The following LIFR variants were observed in gnomAD, a reference collection of about 807,000 sequenced individuals.
The protein encoded by LIFR is LIF receptor subunit alpha, also known as leukemia inhibitory factor receptor.
In LIFR, 84 loss-of-function variants were observed where a neutral mutation model predicts 122.2. The observed-to-expected ratio is 0.69, with a 90% confidence interval of 0.58 to 0.82. The LOEUF is 0.82. Among genes scored for constraint, LIFR ranks in the 40% least tolerant of loss-of-function variants. The pLI is 0.00. For synonymous variants in LIFR, 422 were observed against 434.7 expected, an observed-to-expected ratio of 0.97 and a Z score of 0.36; for missense variants, 1,294 against 1,311.6, an observed-to-expected ratio of 0.99 and a Z score of 0.21.
intron 1 of LIFR, among the ~76,000 whole-genome samples, chr5:38,552,048 A>T (rs547604108): frequency 1.2e-4 from 18 of 152,236 alleles, no homozygotes; most frequent in Non-Finnish European, 2.5e-4. Context: ...ATATCAGGAC[A>T]AAAGGACACA....
intron 9 of LIFR, 66 bp downstream of exon 9, chr5:38,505,839 T>C (rs1349176676): frequency 1.9e-6 from 2 of 1,073,678 alleles, no homozygotes; most frequent in Non-Finnish European, 2.7e-6. Context: ...CCTATAAGCA[T>C]TTTTCATTAA....
At chr5:38,526,689 A>G (rs2112557282) in intron 4 of LIFR, among the ~76,000 whole-genome samples, 1 of 152,236 alleles carries the variant, frequency 6.6e-6, no homozygotes, top group South Asian at 2.1e-4. Context: ...TCTTATCCCA[A>G]TACTGTTATT....
intron 1 of LIFR, among the ~76,000 whole-genome samples, chr5:38,569,380 TGAGAAGCAGGAGGC>T (rs1749134774): frequency 6.6e-6 from 1 of 151,918 alleles, no homozygotes; most frequent in South Asian, 2.1e-4. Context: ...CAGCAGGAGG[TGAGAAGCAGGAGGC>T]TGCTCAGCAG....
chr5:38,505,983 T>C lies in LIFR; in HGVS notation c.1213A>G (p.Ile405Val), dbSNP rs778962664. The change falls in exon 9 of 20, where the codon ATA becomes GTA. Residue 405 changes from isoleucine to valine, a missense_variant. Coordinates refer to ENST00000453190, the MANE Select transcript of LIFR (RefSeq NM_001127671.2). ...LLFQMLPNQE[I>V]YNFTLNAHNP... is the part of the protein sequence containing the mutation. Reference sequence around the variant, plus strand: ...TGAGCATTCAAAGTAAAATTATATATTTCTTGATTTGGAAGCATTTGAAAT... The same window carrying C: ...TGAGCATTCAAAGTAAAATTATATACTTCTTGATTTGGAAGCATTTGAAAT... 3.0e-5 allele frequency: 49 copies of C among 1,609,584 alleles called. No individual in the cohort carries two copies. The Middle Eastern group carries it at 6.8e-4, about 22-fold the overall frequency.
chr5:38,557,451 T>G (rs561851907), upstream of LIFR: 2 of 154,930 alleles, frequency 1.3e-5, no homozygotes, highest in East Asian at 1.9e-4. Context: ...TTACGCTGTA[T>G]GCCGGACGCG....
Position 38,517,856 on chromosome 5 carries a change from C to CAAAAAA in LIFR, c.561+5557_561+5562dup, listed in dbSNP as rs572954936. On this transcript the variant is annotated intron_variant, in intron 5 of 19. Transcript: ENST00000453190. ...TGTGCAACAGAGCAAGACACTGTCT[C>CAAAAAA]AAAAAAAAAAAAAAAAAAAAAAAAA... 2.5e-3 allele frequency among the ~76,000 whole-genome samples: 37 copies of CAAAAAA among 15,046 alleles called. 3 individuals carry two copies. Among genetic ancestry groups the CAAAAAA allele is most frequent in the African/African-American group, 7.5e-3 (17 of 2,252 alleles). 9.9% of individuals were successfully genotyped at this position (15,046 alleles called of 152,430 possible). A position where few individuals can be genotyped will look rare whatever the true frequency, so the allele number is the denominator to read the frequency against.
chr5:38,482,469 G>T, intron 19 of LIFR, 120 bp downstream of exon 19: 1 of 668,666 alleles, frequency 1.5e-6, no homozygotes, highest in Non-Finnish European at 2.6e-6. Flanking sequence ...ATGTTTTAAA[G>T]TATATAATTT....
intron 1 of LIFR, among the ~76,000 whole-genome samples, chr5:38,573,503 G>A (rs919018868): frequency 6.6e-6 from 1 of 152,198 alleles, no homozygotes; most frequent in Non-Finnish European, 1.5e-5. Context: ...TTCCTAGAAT[G>A]AAAATCTACT....
At chr5:38,497,002 G>C (rs558547257) in intron 12 of LIFR, among the ~76,000 whole-genome samples, 1 of 151,294 alleles carries the variant, frequency 6.6e-6, no homozygotes, top group East Asian at 2.0e-4. Flanking sequence ...CCAGTTACAA[G>C]GTAGTATCAG....
At chr5:38,565,673 C>T (rs1030452612) in intron 1 of LIFR, among the ~76,000 whole-genome samples, 3 of 151,818 alleles carry the variant, frequency 2.0e-5, no homozygotes, top group African/African-American at 7.3e-5. Flanking sequence ...CTGCAGCCCC[C>T]ACCTCCCGGG....
At chr5:38,527,082 A>C (rs1746727152) in intron 4 of LIFR, 73 bp downstream of exon 4, 3 of 1,368,866 alleles carry the variant, frequency 2.2e-6, no homozygotes, top group South Asian at 2.7e-5. Flanking sequence ...AATTCAAAAA[A>C]CTAGAAAGCA....
chr5:38,486,980 T>C (rs1034768631), intron 16 of LIFR, among the ~76,000 whole-genome samples: 14 of 152,216 alleles, frequency 9.2e-5, no homozygotes, highest in African/African-American at 3.1e-4. Flanking sequence ...CCTCATTTGC[T>C]TGATTTTCTA....
chr5:38,491,492 G>A (rs1744590031), intron 14 of LIFR, among the ~76,000 whole-genome samples: 1 of 152,242 alleles, frequency 6.6e-6, no homozygotes, highest in African/African-American at 2.4e-5. Context: ...AGGGCAATTA[G>A]ATGCTCATCA....
chr5:38,591,757 G>A (rs1749928222), intron 1 of LIFR, among the ~76,000 whole-genome samples: 1 of 152,186 alleles, frequency 6.6e-6, no homozygotes, highest in Non-Finnish European at 1.5e-5. Flanking sequence ...ACATTGCTAG[G>A]TGGGAGAAGG....
chr5:38,596,050 T>C (rs1289488288), upstream of LIFR, among the ~76,000 whole-genome samples: 1 of 152,174 alleles, frequency 6.6e-6, no homozygotes, highest in Non-Finnish European at 1.5e-5. Context: ...ATAGGTAATC[T>C]TAGCAGCCTG....
intron 11 of LIFR, among the ~76,000 whole-genome samples, chr5:38,500,087 T>A (rs1056672352): frequency 3.3e-5 from 5 of 152,196 alleles, no homozygotes; most frequent in Admixed American, 1.3e-4. Flanking sequence ...CCCCTCCTTA[T>A]CCCTCAGCCT....
intron 1 of LIFR, among the ~76,000 whole-genome samples, chr5:38,592,094 T>C (rs1749938422): frequency 6.6e-6 from 1 of 152,194 alleles, no homozygotes; most frequent in South Asian, 2.1e-4. Context: ...CTTTTGGTGT[T>C]ATTATTTCTT....
At chr5:38,607,511 GCACTCTCT>G (rs1750354792) in intron 1 of LIFR, 1 of 130,894 alleles carries the variant, frequency 7.6e-6, no homozygotes, top group East Asian at 2.0e-4. Context: ...TCTCTCATAT[GCACTCTCT>G]CTCTCTCTCT....
Position 38,481,903 on chromosome 5 carries a change from C to T in LIFR, c.2986G>A (p.Val996Ile), listed in dbSNP as rs1192656995. 2 of 1,614,160 alleles carry T rather than the reference C, an allele frequency of 1.2e-6. No individual in the cohort carries two copies. The highest frequency in any genetic ancestry group is 1.7e-5 in the Admixed American group (1 of 60,010). Residue 996 changes from valine (V) to isoleucine (I), a missense_variant, in exon 20 of 20, where the codon GTA becomes ATA. Physicochemically the swap from Val to Ile is conservative, Grantham distance 29. Coordinates refer to ENST00000453190, the MANE Select transcript of LIFR (RefSeq NM_001127671.2). ...TGTGGCTTATAGCCTGCCCCTCCTA[C>T]AGGGTCATTTTCTTGTTCTTCTTCT... ...KPEEEQENDPVGGAGYKPQMH... is the reference protein window; with the variant it reads ...KPEEEQENDPIGGAGYKPQMH...
Sources: gnomAD v4.1 joint callset for allele counts (sites outside exome capture counted in the v4.1 genomes callset) on GRCh38, gnomAD v4.1.1 for gene constraint, MANE v1.5 for transcripts, NCBI Gene and HGNC (gene_info 2026-07-23, HGNC 2026-07-21) for gene names.